The following DPP10 variants were observed in gnomAD, a reference collection of about 807,000 sequenced individuals.
The protein encoded by DPP10 is inactive dipeptidyl peptidase 10.
Under a neutral mutation model 120.9 loss-of-function variants are expected in DPP10, and 33 were observed. That is an observed-to-expected ratio of 0.27 (90% CI 0.21 to 0.37). DPP10 has a LOEUF of 0.37. Ranked by LOEUF, DPP10 falls within the 10% of genes least tolerant of loss-of-function variation. The pLI is 1.00. For missense variants in DPP10, 816 were observed against 942.8 expected (o/e 0.87, Z 1.76); for synonymous variants, 337 against 326.1 (o/e 1.03, Z -0.36).
intron 1 of DPP10, among the ~76,000 whole-genome samples, chr2:114,662,329 C>T (rs928450287): frequency 1.3e-5 from 2 of 152,278 alleles, no homozygotes; most frequent in East Asian, 1.9e-4. Context: ...GGCCTCCCTG[C>T]GGGGGCGCGG....
chr2:115,840,654 G>A, intron 24 of DPP10, 96 bp from the exon 25 acceptor site: 1 of 1,296,650 alleles, frequency 7.7e-7, no homozygotes, highest in Non-Finnish European at 1.1e-6. Flanking sequence ...TGCAATGTAT[G>A]TAAAATAAAA....
At chr2:115,322,920 A>G (rs2062141429) in intron 2 of DPP10, among the ~76,000 whole-genome samples, 1 of 152,234 alleles carries the variant, frequency 6.6e-6, no homozygotes, top group Non-Finnish European at 1.5e-5. Context: ...TGCAAATCAT[A>G]ATCTTTTTGT....
At chr2:115,206,587 A>G (rs989165530) in intron 1 of DPP10, among the ~76,000 whole-genome samples, 1 of 152,210 alleles carries the variant, frequency 6.6e-6, no homozygotes, top group Admixed American at 6.5e-5. Context: ...TCTACAGAAG[A>G]CATCTGAGAA....
At chr2:115,053,890 C>T (rs941885051) in intron 1 of DPP10, among the ~76,000 whole-genome samples, 1 of 152,104 alleles carries the variant, frequency 6.6e-6, no homozygotes, top group Non-Finnish European at 1.5e-5. Flanking sequence ...GTTTAGTTAA[C>T]TGTTTGCAAC....
At chr2:115,599,724 G>A (rs372875792) in intron 5 of DPP10, among the ~76,000 whole-genome samples, 2 of 151,232 alleles carry the variant, frequency 1.3e-5, no homozygotes, top group Admixed American at 6.6e-5. Context: ...CCTGGATATC[G>A]TGAGTGTTAG....
intron 1 of DPP10, among the ~76,000 whole-genome samples, chr2:114,705,664 A>G (rs1700643860): frequency 6.6e-6 from 1 of 152,230 alleles, no homozygotes; most frequent in African/African-American, 2.4e-5. Context: ...CAAGGATTTA[A>G]TAACTATTGA....
At chr2:115,310,569 T>G (rs2061536573) in intron 2 of DPP10, among the ~76,000 whole-genome samples, 1 of 151,944 alleles carries the variant, frequency 6.6e-6, no homozygotes, top group African/African-American at 2.4e-5. Flanking sequence ...AGAAAGGTAA[T>G]TGGAAAGGAA....
intron 1 of DPP10, among the ~76,000 whole-genome samples, chr2:115,196,005 C>T (rs891929648): frequency 7.2e-5 from 11 of 152,304 alleles, no homozygotes; most frequent in Admixed American, 4.6e-4. Context: ...AAGGAATACA[C>T]AGGATCAATA....
At chr2:114,454,847 T>C (rs1278308362) in intron 1 of DPP10, among the ~76,000 whole-genome samples, 2 of 152,140 alleles carry the variant, frequency 1.3e-5, no homozygotes, top group Non-Finnish European at 2.9e-5. Flanking sequence ...TTCCACTATA[T>C]ATTGAATCCA....
chr2:114,484,768 T>C (rs1681354776), intron 1 of DPP10, among the ~76,000 whole-genome samples: 1 of 152,128 alleles, frequency 6.6e-6, no homozygotes, highest in Admixed American at 6.6e-5. Flanking sequence ...TTGACATATA[T>C]ACAATCATAT....
At chr2:115,150,403 T>G (rs1297178498) in intron 1 of DPP10, among the ~76,000 whole-genome samples, 1 of 152,232 alleles carries the variant, frequency 6.6e-6, no homozygotes, top group Non-Finnish European at 1.5e-5. Context: ...TCTTAAAGCC[T>G]TGGCGATTAG....
At chr2:114,462,201 A>G in intron 1 of DPP10, 3 of 975,274 alleles carry the variant, frequency 3.1e-6, no homozygotes, top group Non-Finnish European at 3.7e-6. Context: ...ATTTACCGAC[A>G]AGTTGCGAAG....
In DPP10 at chr2:115,689,981, A is replaced by G. The variant is rs1263274218; in HGVS notation, c.576+60A>G. ...CAATCATGGTTTTATGGAAGATGTT[A>G]ACTGAAACTTTGGAAAAACCATAGG... On this transcript the variant is annotated intron_variant, in intron 7 of 25. Transcript: ENST00000410059. 4 of 1,520,670 alleles carry G rather than the reference A, an allele frequency of 2.6e-6. No individual in the cohort carries two copies. In the Admixed American group the frequency reaches 6.3e-5, roughly 24 times the overall value. The allele number at this position is 1,520,670 out of a possible 1,614,324, so 94.2% of individuals were successfully genotyped here.
intron 1 of DPP10, among the ~76,000 whole-genome samples, chr2:114,907,603 G>A (rs769190788): frequency 6.6e-6 from 1 of 152,004 alleles, no homozygotes; most frequent in Non-Finnish European, 1.5e-5. Context: ...ATTCTTAAAT[G>A]TCCAAAATTT....
At chr2:114,920,551 T>C (rs1045182136) in intron 1 of DPP10, among the ~76,000 whole-genome samples, 3 of 152,200 alleles carry the variant, frequency 2.0e-5, no homozygotes, top group Non-Finnish European at 4.4e-5. Flanking sequence ...GCATACTATC[T>C]TGTGAATAAC....
At chr2:114,876,372 G>A (rs546178306) in intron 1 of DPP10, among the ~76,000 whole-genome samples, 40 of 152,102 alleles carry the variant, frequency 2.6e-4, no homozygotes, top group African/African-American at 8.2e-4. Context: ...TTTGTAGGTG[G>A]ACCTCATTCA....
intron 1 of DPP10, among the ~76,000 whole-genome samples, chr2:114,666,582 A>G (rs1697939199): frequency 6.6e-6 from 1 of 152,220 alleles, no homozygotes; most frequent in Admixed American, 6.5e-5. Context: ...GAATTAAATA[A>G]GTGATCATAT....
intron 1 of DPP10, among the ~76,000 whole-genome samples, chr2:114,740,694 A>G (rs1677960780): frequency 6.6e-6 from 1 of 152,156 alleles, no homozygotes; most frequent in East Asian, 1.9e-4. Context: ...CCTGCAACCA[A>G]CTAACCAGAC....
intron 5 of DPP10, among the ~76,000 whole-genome samples, chr2:115,588,757 A>G (rs1227006682): frequency 1.3e-5 from 2 of 152,250 alleles, no homozygotes; most frequent in African/African-American, 4.8e-5. Flanking sequence ...CAGCAACTCC[A>G]TATATGTTTG....
Sources: allele counts gnomAD v4.1 joint callset (sites outside exome capture counted in the v4.1 genomes callset), GRCh38; gene constraint gnomAD v4.1.1; transcripts MANE v1.5; gene names NCBI Gene and HGNC (gene_info 2026-07-23, HGNC 2026-07-21).